NMNAT1: variants seen among roughly 807,000 people sequenced by gnomAD.
The protein encoded by NMNAT1 is nicotinamide nucleotide adenylyltransferase 1, also known as nicotinamide/nicotinic acid mononucleotide adenylyltransferase 1.
In NMNAT1, 11 loss-of-function variants were observed where a neutral mutation model predicts 16.7. That is an observed-to-expected ratio of 0.66 (90% CI 0.41 to 1.09). The LOEUF is 1.09. NMNAT1 is among the 50% of genes least tolerant of loss of function. The pLI is 0.00. For missense variants in NMNAT1, 280 were observed against 332.3 expected (o/e 0.84, Z 1.22); for synonymous variants, 110 against 119.8 (o/e 0.92, Z 0.53).
intron 1 of NMNAT1, among the ~76,000 whole-genome samples, chr1:9,962,646 GATCAA>G (rs1241209832): frequency 7.1e-6 from 1 of 140,420 alleles, no homozygotes; most frequent in Non-Finnish European, 1.6e-5. Context: ...AGAGTTAAGA[GATCAA>G]ATCAAGATCA....
rs1452954187 is a variant in NMNAT1, at chr1:9,981,335, T to G, written c.439+165T>G. On this transcript the variant is annotated intron_variant, in intron 4 of 4. Transcript: ENST00000377205. ...CTGCAAGCTCTGCCTCCTGGGTTCA[T>G]GCCATTCTCCTGCCTCAGCCTCCTG... is the stretch of plus-strand genomic sequence containing the variant. 3.6e-6 allele frequency: 4 copies of G among 1,110,768 alleles called. No homozygotes were observed. The East Asian group carries it at 1.0e-4, about 28-fold the overall frequency. 68.8% of individuals were successfully genotyped at this position (1,110,768 alleles called of 1,614,324 possible).
At chr1:9,962,677 G>GTTTTTT (rs34747915) in intron 1 of NMNAT1, among the ~76,000 whole-genome samples, 13 of 74,226 alleles carry the variant, frequency 1.8e-4, no homozygotes, top group East Asian at 4.8e-4. Context: ...CCAAATAAGG[G>GTTTTTT]TTTTTTTTTT....
intron 1 of NMNAT1, among the ~76,000 whole-genome samples, chr1:9,960,219 A>C (rs1641370449): frequency 6.6e-6 from 1 of 152,154 alleles, no homozygotes; most frequent in East Asian, 1.9e-4. Context: ...TGGGATTTGA[A>C]GGCTGCAGTG....
chr1:9,943,927 A>G (rs1264023949), intron 1 of NMNAT1, among the ~76,000 whole-genome samples: 1 of 152,026 alleles, frequency 6.6e-6, no homozygotes, highest in Non-Finnish European at 1.5e-5. Flanking sequence ...ATGCTCCTTG[A>G]GAAGGAGGTA....
the NMNAT1 span, among the ~76,000 whole-genome samples, chr1:9,994,606 ATTTTTTGTATT>A: frequency 3.8e-5 from 2 of 52,102 alleles, no homozygotes; most frequent in African/African-American, 1.2e-4. Flanking sequence ...AATTTTTTGT[ATTTTTTGTATT>A]TTTTTTTTTT....
At chr1:9,993,630 T>C in the NMNAT1 span, among the ~76,000 whole-genome samples, 1 of 152,114 alleles carries the variant, frequency 6.6e-6, no homozygotes, top group Non-Finnish European at 1.5e-5. Context: ...CAGGTCCAGA[T>C]GAAAGATTTT....
In NMNAT1 at chr1:9,981,063, G is replaced by A. The variant is rs1199861497; in HGVS notation, c.332G>A (p.Cys111Tyr). Residue 111 changes from cysteine to tyrosine, a missense_variant, in exon 4 of 5, where the codon TGT becomes TAT. Transcript: ENST00000377205. ...CAAGAGAAATTGGAGGCTAGTGACTGTGATCACCAGCAGAACTCACCTACT... is the reference window on the plus strand; with the variant it reads ...CAAGAGAAATTGGAGGCTAGTGACTATGATCACCAGCAGAACTCACCTACT... Reference protein sequence around the residue: ...HHQEKLEASDCDHQQNSPTLE... With the variant: ...HHQEKLEASDYDHQQNSPTLE... 6.2e-7 allele frequency: 1 copy of A among 1,611,798 alleles called. No individual in the cohort carries two copies. The highest frequency in any genetic ancestry group is 1.7e-5 in the Admixed American group (1 of 59,174).
At chr1:9,944,396 T>A (rs1261943173) in intron 1 of NMNAT1, among the ~76,000 whole-genome samples, 3 of 152,134 alleles carry the variant, frequency 2.0e-5, no homozygotes, top group African/African-American at 7.2e-5. Context: ...AAATTAAAAA[T>A]AAAATTACCC....
In NMNAT1 at chr1:9,975,678, A is replaced by G. The variant is rs1641790595; in HGVS notation, c.202A>G (p.Ile68Val). The stretch of plus-strand genomic sequence containing the variant: ...ACTCATTCCTGCCTATCACCGGGTC[A>G]TCATGGCAGAACTTGCTACCAAGAA... ...KGLIPAYHRVIMAELATKNSK... is the reference protein window; with the variant it reads ...KGLIPAYHRVVMAELATKNSK... Residue 68 changes from isoleucine (I) to valine (V), a missense_variant, in exon 3 of 5, where the codon ATC becomes GTC. By Grantham distance (29) the Ile-to-Val change is conservative. Transcript: ENST00000377205. 2 of 1,613,990 alleles carry G rather than the reference A, an allele frequency of 1.2e-6. No individual in the cohort carries two copies. The highest frequency in any genetic ancestry group is 1.7e-6 in the Non-Finnish European group (2 of 1,179,956).
chr1:9,973,565 G>A (rs901276512), intron 2 of NMNAT1, among the ~76,000 whole-genome samples: 4 of 151,258 alleles, frequency 2.6e-5, no homozygotes, highest in East Asian at 2.0e-4. Context: ...AAAATTAGCC[G>A]GGCATGGTGG....
At chr1:9,962,020 G>A (rs546284723) in intron 1 of NMNAT1, among the ~76,000 whole-genome samples, 4 of 151,544 alleles carry the variant, frequency 2.6e-5, no homozygotes, top group Non-Finnish European at 5.9e-5. Context: ...CACCTGCCTC[G>A]CCCTCCCAAA....
At chr1:9,995,549 C>A in the NMNAT1 span, among the ~76,000 whole-genome samples, 2 of 149,310 alleles carry the variant, frequency 1.3e-5, no homozygotes, top group Non-Finnish European at 3.0e-5. Flanking sequence ...TAAAAATTAG[C>A]CAGGCATGGT....
At chr1:9,995,707 G>T in the NMNAT1 span, among the ~76,000 whole-genome samples, 1 of 151,006 alleles carries the variant, frequency 6.6e-6, no homozygotes, top group Non-Finnish European at 1.5e-5. Context: ...AAATAAAATA[G>T]AATAAAATAA....
intron 1 of NMNAT1, among the ~76,000 whole-genome samples, chr1:9,946,483 G>T (rs1048577966): frequency 6.6e-6 from 1 of 152,144 alleles, no homozygotes; most frequent in African/African-American, 2.4e-5. Flanking sequence ...CCCAGAGAAC[G>T]CAAGTTGCTC....
chr1:9,975,114 A>AACT (rs1307862879), intron 2 of NMNAT1, among the ~76,000 whole-genome samples: 1 of 152,194 alleles, frequency 6.6e-6, no homozygotes, highest in Non-Finnish European at 1.5e-5. Context: ...AATATCATAG[A>AACT]ACTGTACGCT....
intron 1 of NMNAT1, among the ~76,000 whole-genome samples, chr1:9,947,858 C>G (rs993782474): frequency 1.3e-5 from 2 of 152,158 alleles, no homozygotes; most frequent in African/African-American, 4.8e-5. Context: ...CACTTGTACC[C>G]TTGCCTCTCC....
Position 9,968,080 on chromosome 1 carries a change from G to GTTTTTTTTTTTTT in NMNAT1, c.-56-3929_-56-3928insTTTTTTTTTTTTT, listed in dbSNP as rs6143117. 3.0e-3 allele frequency among the ~76,000 whole-genome samples: 353 copies of GTTTTTTTTTTTTT among 117,760 alleles called. 18 individuals carry two copies. The highest frequency in any genetic ancestry group is 4.5e-3 in the African/African-American group (154 of 34,124). 77.3% of individuals were successfully genotyped at this position (117,760 alleles called of 152,430 possible). On this transcript the variant is annotated intron_variant, in intron 1 of 4. Coordinates refer to ENST00000377205, the MANE Select transcript of NMNAT1 (RefSeq NM_022787.4). ...TTTGCCAAATGTAGTTTTTTTTTTT[G>GTTTTTTTTTTTTT]TTTTTTTTTGAGATGGAGTCTCGCT... is the stretch of plus-strand genomic sequence containing the variant.
intron 3 of NMNAT1, among the ~76,000 whole-genome samples, chr1:9,979,780 C>G (rs1160868591): frequency 1.4e-5 from 2 of 144,374 alleles, no homozygotes; most frequent in Non-Finnish European, 3.0e-5. Flanking sequence ...CCAGCCTGGG[C>G]GACAGAGTGA....
chr1:9,971,603 C>T (rs557272876), intron 1 of NMNAT1, among the ~76,000 whole-genome samples: 4 of 152,002 alleles, frequency 2.6e-5, no homozygotes, highest in South Asian at 2.1e-4. Flanking sequence ...TGAGCCACCA[C>T]GCCCAGCCAA....
Sources: allele counts gnomAD v4.1 joint callset (sites outside exome capture counted in the v4.1 genomes callset), GRCh38; gene constraint gnomAD v4.1.1; transcripts MANE v1.5; gene names NCBI Gene and HGNC (gene_info 2026-07-23, HGNC 2026-07-21).